The following ACAN variants were observed in gnomAD, a reference collection of about 807,000 sequenced individuals.
The protein encoded by ACAN is aggrecan core protein.
A neutral mutation model predicts 169.1 loss-of-function variants in ACAN; 47 were observed. That is an observed-to-expected ratio of 0.28 (90% CI 0.22 to 0.35). The LOEUF (loss-of-function observed/expected upper bound fraction) is 0.35, where lower values mean the gene tolerates loss of function less well. Among genes scored for constraint, ACAN ranks in the 10% least tolerant of loss-of-function variants. The pLI is 1.00. For synonymous variants in ACAN, 1,115 were observed against 1,112.2 expected (o/e 1.00, Z -0.05); for missense variants, 2,716 against 2,759.9 (o/e 0.98, Z 0.36).
rs1897087642 is a variant in ACAN, at chr15:88,857,637, T to G, written c.5052T>G (p.Ile1684Met). 6.2e-7 allele frequency: 1 copy of G among 1,613,998 alleles called. No individual in the cohort carries two copies. Among genetic ancestry groups the G allele is most frequent in the Non-Finnish European group, 8.5e-7 (1 of 1,179,898 alleles). The change falls in exon 12 of 19, where the codon ATT (isoleucine) becomes ATG (methionine). Residue 1684 changes from isoleucine (I) to methionine (M), a missense_variant. This residue lies in a region of ACAN where 1,389 missense variants were observed against 1,363.7 expected (regional missense o/e 1.02). Coordinates refer to ENST00000560601, the MANE Select transcript of ACAN (RefSeq NM_001369268.1). ...TASELEGRGT[I>M]GISGAGEISG... ...GTGAACTGGAAGGGAGGGGAACCATTGGCATCAGTGGTGCAGGAGAAATAT... is the reference window on the plus strand; with the variant it reads ...GTGAACTGGAAGGGAGGGGAACCATGGGCATCAGTGGTGCAGGAGAAATAT...
chr15:88,841,695 C>G (rs201034051), intron 4 of ACAN, 45 bp from the exon 5 acceptor site: 422 of 1,612,270 alleles, frequency 2.6e-4, no homozygotes, highest in Non-Finnish European at 2.7e-4. Flanking sequence ...CATGGGCTTC[C>G]CTTTGTCCCC....
chr15:88,811,797 TG>T (rs1895827666), intron 1 of ACAN, among the ~76,000 whole-genome samples: 1 of 152,104 alleles, frequency 6.6e-6, no homozygotes, highest in African/African-American at 2.4e-5. Context: ...CCCCTGGAGC[TG>T]AGTAAAGAGG....
chr15:88,816,347 AT>A (rs1293193383), intron 1 of ACAN, among the ~76,000 whole-genome samples: 1 of 152,136 alleles, frequency 6.6e-6, no homozygotes, highest in Admixed American at 6.6e-5. Flanking sequence ...CATCAAAGGG[AT>A]TTAAGGGAAG....
chr15:88,871,643 G>A lies in ACAN; in HGVS notation c.7219+103G>A. On this transcript the variant is annotated intron_variant, in intron 15 of 18. Coordinates refer to ENST00000560601, the MANE Select transcript of ACAN (RefSeq NM_001369268.1). The surrounding 1 kb of genome is among the most constrained non-coding windows in gnomAD (Gnocchi z 7.8). ...AGATTTGGGCCTCGTGAGACTGCAG[G>A]ACAGGGACCTGGGGGAGGGGGAACA... 4.2e-6 allele frequency: 6 copies of A among 1,413,630 alleles called. No individual in the cohort carries two copies. In the South Asian group the frequency reaches 8.3e-5, roughly 20 times the overall value. The allele number at this position is 1,413,630 out of a possible 1,614,324, so 87.6% of individuals were successfully genotyped here.
chr15:88,857,702 C>T lies in ACAN; in HGVS notation c.5117C>T (p.Ala1706Val), dbSNP rs1236301804. Residue 1706 changes from alanine to valine, a missense_variant, in exon 12 of 19, where the codon GCT becomes GTT. Transcript: ENST00000560601. Reference sequence around the variant, plus strand: ...AGTGAGCTGGACATTAGTGGGAGAGCTAGTGGACTCCCTTCAGGAACTGAA... The same window carrying T: ...AGTGAGCTGGACATTAGTGGGAGAGTTAGTGGACTCCCTTCAGGAACTGAA... ...PSSELDISGR[A>V]SGLPSGTELS... 2.5e-6 allele frequency: 4 copies of T among 1,613,880 alleles called. No homozygotes were observed. The Admixed American group carries it at 6.7e-5, about 27-fold the overall frequency.
rs750976424 is a variant in ACAN, at chr15:88,873,797, C to CAGG, written c.7448-42_7448-40dup. On this transcript the variant is annotated intron_variant, in intron 17 of 18. Coordinates refer to ENST00000560601, the MANE Select transcript of ACAN (RefSeq NM_001369268.1). The surrounding 1 kb of genome is among the most constrained non-coding windows in gnomAD (Gnocchi z 7.5). ...GGGTCACAACCAGCATAGGTCATCC[C>CAGG]AGGAGACCCTATGAGACCCTTTATA... 6 of 1,592,160 alleles carry CAGG rather than the reference C, an allele frequency of 3.8e-6. No individual in the cohort carries two copies. The Admixed American group carries it at 1.0e-4, about 27-fold the overall frequency.
At chr15:88,867,701 G>A (rs988874064) in intron 13 of ACAN, among the ~76,000 whole-genome samples, 1 of 152,162 alleles carries the variant, frequency 6.6e-6, no homozygotes, top group African/African-American at 2.4e-5. Flanking sequence ...ACCATTTCGA[G>A]GTCATTCATT....
rs200180285 is a variant in ACAN at position 88,873,886 on chromosome 15, G to C, written c.7492G>C (p.Gly2498Arg). ...PPVVEHARTF[G>R]QKKDRYEINS... is the part of the protein sequence containing the mutation. Reference sequence around the variant, plus strand: ...TGTGGTGGAGCATGCCAGGACCTTCGGGCAGAAGAAGGACCGGTATGAGAT... The same window carrying C: ...TGTGGTGGAGCATGCCAGGACCTTCCGGCAGAAGAAGGACCGGTATGAGAT... Residue 2498 changes from glycine to arginine, a missense_variant, in exon 18 of 19, where the codon GGG becomes CGG. This residue lies in a region of ACAN where 1,389 missense variants were observed against 1,363.7 expected (regional missense o/e 1.02). Transcript: ENST00000560601. This position sits in a 1 kb window ranked among gnomAD's most constrained non-coding sequence, Gnocchi z 7.5. 2 of 1,613,638 alleles carry C rather than the reference G, an allele frequency of 1.2e-6. No homozygotes were observed. Among genetic ancestry groups the C allele is most frequent in the African/African-American group, 1.3e-5 (1 of 74,898 alleles).
chr15:88,860,457 C>G lies in ACAN; in HGVS notation c.6946+18C>G. On this transcript the variant is annotated intron_variant, in intron 13 of 18. Coordinates refer to ENST00000560601, the MANE Select transcript of ACAN (RefSeq NM_001369268.1). Reference sequence around the variant, plus strand: ...TAACATAGGTAAGGCCCTCATTGGCCGTGGAGAGTGAGGGCGGAGGCGCTG... The same window carrying G: ...TAACATAGGTAAGGCCCTCATTGGCGGTGGAGAGTGAGGGCGGAGGCGCTG... 1 of 1,603,838 alleles carries G rather than the reference C, an allele frequency of 6.2e-7. No individual in the cohort carries two copies. The highest frequency in any genetic ancestry group is 8.5e-7 in the Non-Finnish European group (1 of 1,172,098).
rs145990739 is a variant in ACAN, at chr15:88,837,261, G to C, written c.70+985G>C. Among the ~76,000 whole-genome samples the C allele has an allele frequency of 1.2e-3, 186 of 152,272 alleles. 1 individual carries two copies. Among genetic ancestry groups the C allele is most frequent in the Middle Eastern group, 3.4e-3 (1 of 294 alleles). Reference sequence around the variant, plus strand: ...ACCCCCTCACAGTGCAGTCAGTGTGGGAAAAAGAAGGCGGCCCAGCTCCCC... The same window carrying C: ...ACCCCCTCACAGTGCAGTCAGTGTGCGAAAAAGAAGGCGGCCCAGCTCCCC... On this transcript the variant is annotated intron_variant, in intron 2 of 18. Coordinates refer to ENST00000560601, the MANE Select transcript of ACAN (RefSeq NM_001369268.1).
chr15:88,816,042 G>A (rs988153298), intron 1 of ACAN, among the ~76,000 whole-genome samples: 3 of 152,128 alleles, frequency 2.0e-5, no homozygotes, highest in South Asian at 2.1e-4. Context: ...TTGCAGCTGC[G>A]TCACTCCCAT....
At chr15:88,860,504 A>C (rs1300348687) in intron 13 of ACAN, 65 bp downstream of exon 13, 41 of 1,421,138 alleles carry the variant, frequency 2.9e-5, no homozygotes, top group Non-Finnish European at 4.0e-5. Context: ...TCATCCCCCA[A>C]AGGGTCCCCA....
rs1343533506 is a variant in ACAN, at chr15:88,839,300, T to A, written c.454+254T>A. Among the ~76,000 whole-genome samples the A allele has an allele frequency of 6.6e-6, 1 of 152,242 alleles. No individual in the cohort carries two copies. Among genetic ancestry groups the A allele is most frequent in the Non-Finnish European group, 1.5e-5 (1 of 68,042 alleles). On this transcript the variant is annotated intron_variant, in intron 3 of 18. Coordinates refer to ENST00000560601, the MANE Select transcript of ACAN (RefSeq NM_001369268.1). This position sits in a 1 kb window ranked among gnomAD's most constrained non-coding sequence, Gnocchi z 4.5. The stretch of plus-strand genomic sequence containing the variant: ...TTTGTGCTTCCCAAGAATCCTGTGA[T>A]CCGGTGGGTCTTGTGATCGTGCCCA...
Position 88,845,688 on chromosome 15 carries a change from T to A in ACAN, c.1235T>A (p.Leu412Gln), listed in dbSNP as rs1291712383. The change falls in exon 7 of 19, where the codon CTG becomes CAG. Residue 412 changes from leucine (L) to glutamine (Q), a missense_variant. Physicochemically the swap from Leu to Gln is moderately radical, Grantham distance 113. Transcript: ENST00000560601. ...ATCTTCGAGGTCTCCCCCAGTCCCC[T>A]GGAACCCGAGGAGCCCTTCACGTTT... ...KPIFEVSPSP[L>Q]EPEEPFTFAP... 3 of 1,614,034 alleles carry A rather than the reference T, an allele frequency of 1.9e-6. No homozygotes were observed. The highest frequency in any genetic ancestry group is 2.5e-6 in the Non-Finnish European group (3 of 1,179,892).
chr15:88,819,268 G>C (rs577236041), intron 1 of ACAN, among the ~76,000 whole-genome samples: 3 of 152,314 alleles, frequency 2.0e-5, no homozygotes, highest in Admixed American at 6.5e-5. Context: ...ACTGCTCTGG[G>C]ACAGGTAGGC....
intron 1 of ACAN, among the ~76,000 whole-genome samples, chr15:88,813,820 A>C (rs1369757402): frequency 1.3e-5 from 2 of 151,116 alleles, no homozygotes; most frequent in Non-Finnish European, 3.0e-5. Context: ...CTCAGTGAGC[A>C]CCTCTTCTCA....
In ACAN at chr15:88,807,384, G is replaced by C. The variant is rs1200162234; in HGVS notation, c.-8+3575G>C. On this transcript the variant is annotated intron_variant, in intron 1 of 18. Coordinates refer to ENST00000560601, the MANE Select transcript of ACAN (RefSeq NM_001369268.1). The surrounding 1 kb of genome is among the most constrained non-coding windows in gnomAD (Gnocchi z 4.0). ...GCCTCGTGGCCATGCTTCGTGTCCT[G>C]ATGGTAGCCGCACTGCCGCCCTGAT... Among the ~76,000 whole-genome samples, 1 of 152,218 alleles carries C rather than the reference G, an allele frequency of 6.6e-6. No individual in the cohort carries two copies. The highest frequency in any genetic ancestry group is 1.5e-5 in the Non-Finnish European group (1 of 68,042).
chr15:88,811,545 C>A (rs1291702250), intron 1 of ACAN, among the ~76,000 whole-genome samples: 1 of 152,230 alleles, frequency 6.6e-6, no homozygotes, highest in African/African-American at 2.4e-5. Context: ...CTTCCTTTTT[C>A]TGTGGATTAG....
chr15:88,858,482 G>C lies in ACAN; in HGVS notation c.5897G>C (p.Gly1966Ala). The C allele has an allele frequency of 6.2e-7, 1 of 1,613,740 alleles. No individual in the cohort carries two copies. Among genetic ancestry groups the C allele is most frequent in the South Asian group, 1.1e-5 (1 of 91,076 alleles). Residue 1966 changes from glycine (G) to alanine (A), a missense_variant, in exon 12 of 19, where the codon GGT becomes GCT. By Grantham distance (60) the Gly-to-Ala change is moderately conservative. Coordinates refer to ENST00000560601, the MANE Select transcript of ACAN (RefSeq NM_001369268.1). The surrounding 1 kb of genome is among the most constrained non-coding windows in gnomAD (Gnocchi z 4.0). ...CCTTCTGGCATTTTAGAACTCAGTG[G>C]TGCTCATTCTGGAGCACCAGACATG... ...EGPSGILELS[G>A]AHSGAPDMSG...
Sources: allele counts gnomAD v4.1 joint callset (sites outside exome capture counted in the v4.1 genomes callset), GRCh38; gene constraint gnomAD v4.1.1; regional missense constraint gnomAD v4.1.1; non-coding constraint Gnocchi (gnomAD v3.1); transcripts MANE v1.5; gene names NCBI Gene and HGNC (gene_info 2026-07-23, HGNC 2026-07-21).